Variants in MAP2K6 observed in about 807,000 individuals in gnomAD.
MAP2K6 encodes the protein mitogen-activated protein kinase kinase 6.
In MAP2K6, 16 loss-of-function variants were observed where a neutral mutation model predicts 53.7. That is an observed-to-expected ratio of 0.30 (90% confidence interval 0.20 to 0.45). The LOEUF is 0.45. MAP2K6 is among the 20% of genes least tolerant of loss of function. The pLI is 1.00. For synonymous variants in MAP2K6, 132 were observed against 143.1 expected (o/e 0.92, Z 0.55); for missense variants, 204 against 411.9 (o/e 0.50, Z 4.37).
intron 7 of MAP2K6, chr17:69,521,812 A>AAAAC (rs1910489863): frequency 5.7e-5 from 6 of 104,688 alleles, no homozygotes; most frequent in Non-Finnish European, 1.1e-4. Flanking sequence ...TGTACAAAAA[A>AAAAC]AAAAAAAAAA....
intron 1 of MAP2K6, among the ~76,000 whole-genome samples, chr17:69,486,075 T>C (rs911890965): frequency 1.6e-4 from 24 of 152,190 alleles, no homozygotes; most frequent in African/African-American, 5.8e-4. Context: ...TGTGCTAAAA[T>C]TAAGTCTAGA....
At position 69,549,560 on chromosome 17, in the gene MAP2K6, C is replaced by T. The variant is rs1307260676; in HGVS notation, c.*7807C>T. ...ATTTTCATATAACAAAAATCAAAGTCAACAATTTTGTATCAGGCTGCCTAA... is the reference window on the plus strand; with the variant it reads ...ATTTTCATATAACAAAAATCAAAGTTAACAATTTTGTATCAGGCTGCCTAA... On this transcript the variant is annotated 3_prime_UTR_variant, in exon 12 of 12. Coordinates refer to ENST00000590474, the MANE Select transcript of MAP2K6 (RefSeq NM_002758.4). The T allele has an allele frequency of 1.3e-5, 2 of 152,090 alleles. No homozygotes were observed. The highest frequency in any genetic ancestry group is 4.8e-5 in the African/African-American group (2 of 41,418). 9.4% of individuals were successfully genotyped at this position (152,090 alleles called of 1,614,324 possible).
At chr17:69,443,501 T>G (rs1906882237) in intron 1 of MAP2K6, among the ~76,000 whole-genome samples, 1 of 152,240 alleles carries the variant, frequency 6.6e-6, no homozygotes, top group Admixed American at 6.5e-5. Flanking sequence ...ACCATTCAGT[T>G]GATAAAAATC....
chr17:69,525,094 G>A, intron 9 of MAP2K6, 116 bp downstream of exon 9: 2 of 733,808 alleles, frequency 2.7e-6, no homozygotes, highest in East Asian at 2.6e-5. Flanking sequence ...GCCCTCTCCT[G>A]CTGAGCTGGT....
chr17:69,432,199 C>A (rs1906484760), intron 1 of MAP2K6, among the ~76,000 whole-genome samples: 1 of 152,192 alleles, frequency 6.6e-6, no homozygotes, highest in African/African-American at 2.4e-5. Context: ...CATTTTACAT[C>A]ATTCTTTTAA....
At chr17:69,415,527 CTT>C (rs1004565596) in intron 1 of MAP2K6, among the ~76,000 whole-genome samples, 18 of 152,032 alleles carry the variant, frequency 1.2e-4, no homozygotes, top group African/African-American at 2.9e-4. Flanking sequence ...CATTAGGTAA[CTT>C]TTGATTTTTA....
At position 69,549,427 on chromosome 17, in the gene MAP2K6, CAA is replaced by C. The variant is rs1295247265; in HGVS notation, c.*7677_*7678del. 14 of 152,280 alleles carry C rather than the reference CAA, an allele frequency of 9.2e-5. No homozygotes were observed. The East Asian group carries it at 2.7e-3, about 29-fold the overall frequency. The allele number at this position is 152,280 out of a possible 1,614,324, so 9.4% of individuals were successfully genotyped here. A position where few individuals can be genotyped will look rare whatever the true frequency, so the allele number is the denominator to read the frequency against. The stretch of plus-strand genomic sequence containing the variant: ...GAGTTTGTAGCTTAGACCAGGCCTT[CAA>C]AAGTCTTTTCTGTTTTCCTTTGCTA... On this transcript the variant is annotated 3_prime_UTR_variant, in exon 12 of 12. Coordinates refer to ENST00000590474, the MANE Select transcript of MAP2K6 (RefSeq NM_002758.4).
chr17:69,492,985 AT>A (rs142209266), intron 1 of MAP2K6, among the ~76,000 whole-genome samples: 6,604 of 151,622 alleles, frequency 0.044, 421 homozygotes, highest in East Asian at 0.15. Flanking sequence ...AGCCAGCATC[AT>A]TTTTTTTTAA....
At chr17:69,468,270 A>G (rs1416615374) in intron 1 of MAP2K6, among the ~76,000 whole-genome samples, 2 of 152,090 alleles carry the variant, frequency 1.3e-5, no homozygotes, top group East Asian at 1.9e-4. Context: ...CTCATCCTTC[A>G]TTTGAGCCTC....
intron 1 of MAP2K6, among the ~76,000 whole-genome samples, chr17:69,462,883 A>G (rs1320583188): frequency 2.0e-5 from 3 of 151,224 alleles, no homozygotes; most frequent in Non-Finnish European, 4.4e-5. Context: ...AAACGAGGTC[A>G]GGAGATCGAG....
At chr17:69,497,514 C>T (rs1372900975) in intron 1 of MAP2K6, among the ~76,000 whole-genome samples, 1 of 119,832 alleles carries the variant, frequency 8.3e-6, no homozygotes, top group African/African-American at 3.3e-5. Context: ...ATCAGTTCAT[C>T]TTGTTACATC....
chr17:69,503,361 A>G (rs1909270248), intron 1 of MAP2K6, among the ~76,000 whole-genome samples: 1 of 152,238 alleles, frequency 6.6e-6, no homozygotes, highest in Non-Finnish European at 1.5e-5. Context: ...TCCAGCACCT[A>G]GCATAGTTCC....
At chr17:69,519,683 T>G (rs972977193) in intron 5 of MAP2K6, 6 of 452,492 alleles carry the variant, frequency 1.3e-5, no homozygotes, top group African/African-American at 1.2e-4. Context: ...TTGTTTATCT[T>G]GGCAGAACTT....
chr17:69,437,116 C>A (rs773199974), intron 1 of MAP2K6, among the ~76,000 whole-genome samples: 2 of 152,130 alleles, frequency 1.3e-5, no homozygotes, highest in Admixed American at 1.3e-4. Context: ...CGTGAGCCAC[C>A]GTGCCTGCCT....
At chr17:69,537,928 C>G (rs1373097775) in intron 11 of MAP2K6, among the ~76,000 whole-genome samples, 1 of 152,154 alleles carries the variant, frequency 6.6e-6, no homozygotes, top group Admixed American at 6.5e-5. Context: ...TGCTTATGCA[C>G]CCGCTAGGCC....
intron 4 of MAP2K6, among the ~76,000 whole-genome samples, chr17:69,517,986 C>T (rs957712893): frequency 4.6e-5 from 7 of 151,980 alleles, no homozygotes; most frequent in South Asian, 2.1e-4. Context: ...GTCAGGAGTT[C>T]GAGACCAGCC....
rs561879417 is a variant in MAP2K6, at chr17:69,525,377, G to A, written c.741+399G>A. ...AATGTGCGTGAACCCTGATAGGGCC[G>A]TGTTATCCAGGACATAGACTATGCT... On this transcript the variant is annotated intron_variant, in intron 9 of 11. Transcript: ENST00000590474. Among the ~76,000 whole-genome samples, 4 of 152,298 alleles carry A rather than the reference G, an allele frequency of 2.6e-5. No individual in the cohort carries two copies. The East Asian group carries it at 5.8e-4, about 22-fold the overall frequency.
chr17:69,495,665 CT>C (rs973108690), intron 1 of MAP2K6, among the ~76,000 whole-genome samples: 1 of 150,688 alleles, frequency 6.6e-6, no homozygotes, highest in African/African-American at 2.4e-5. Flanking sequence ...CCCACTCTGC[CT>C]TTTTTTTTGA....
intron 1 of MAP2K6, chr17:69,502,788 A>C: frequency 1.2e-6 from 1 of 822,160 alleles, no homozygotes; most frequent in Non-Finnish European, 1.5e-6. Context: ...AGACTTTACT[A>C]TTATTTTGGT....
Sources: allele counts gnomAD v4.1 joint callset (sites outside exome capture counted in the v4.1 genomes callset), GRCh38; gene constraint gnomAD v4.1.1; transcripts MANE v1.5; gene names NCBI Gene and HGNC (gene_info 2026-07-23, HGNC 2026-07-21).